Variants in QTRT2 observed in about 807,000 individuals in gnomAD.
The protein encoded by QTRT2 is queuine tRNA-ribosyltransferase accessory subunit 2.
A neutral mutation model predicts 44.8 loss-of-function variants in QTRT2; 32 were observed. The ratio of observed to expected loss-of-function variants is 0.71; its 90% CI spans 0.54 to 0.96. The LOEUF is 0.96. QTRT2 is among the 40% of genes least tolerant of loss of function. The probability of loss-of-function intolerance (pLI) is 0.00; values close to 1 mark genes in which losing one functional copy is unlikely to be tolerated. For synonymous variants in QTRT2, 182 were observed against 187.4 expected, an observed-to-expected ratio of 0.97 and a Z score of 0.24; for missense variants, 461 against 503.1, an observed-to-expected ratio of 0.92 and a Z score of 0.80.
At chr3:114,068,116 C>T in intron 5 of QTRT2, 53 bp downstream of exon 5, 1 of 1,433,084 alleles carries the variant, frequency 7.0e-7, no homozygotes, top group Admixed American at 1.7e-5. Context: ...GGAAGTCAGC[C>T]TATGGTGTAT....
At chr3:114,068,842 A>C (rs891086114) in intron 5 of QTRT2, among the ~76,000 whole-genome samples, 1 of 152,122 alleles carries the variant, frequency 6.6e-6, no homozygotes, top group African/African-American at 2.4e-5. Context: ...GAGCCTCAGG[A>C]GTTCGAGATC....
Position 114,085,909 on chromosome 3 carries a change from T to G in QTRT2, c.*5T>G. 6.2e-7 allele frequency: 1 copy of G among 1,607,054 alleles called. No individual in the cohort carries two copies. The highest frequency in any genetic ancestry group is 1.3e-5 in the African/African-American group (1 of 74,870). Reference sequence around the variant, plus strand: ...ATCCACAGGCAAGCATCTTGAGATCTTGCAAATACAAGTCTCACTCTTCAC... The same window carrying G: ...ATCCACAGGCAAGCATCTTGAGATCGTGCAAATACAAGTCTCACTCTTCAC... On this transcript the variant is annotated 3_prime_UTR_variant, in exon 10 of 10. Transcript: ENST00000281273.
chr3:114,082,637 CT>C, intron 8 of QTRT2, 39 bp from the exon 9 acceptor site: 1 of 785,160 alleles, frequency 1.3e-6, no homozygotes, highest in Non-Finnish European at 2.1e-6. Context: ...CACTTCTTAT[CT>C]GATCATCATT....
At chr3:114,063,681 CTCT>C (rs1284648215) in intron 2 of QTRT2, among the ~76,000 whole-genome samples, 19 of 151,900 alleles carry the variant, frequency 1.3e-4, no homozygotes, top group African/African-American at 4.4e-4. Context: ...AGCATAAAAT[CTCT>C]TCTTAGACCA....
intron 2 of QTRT2, among the ~76,000 whole-genome samples, chr3:114,061,792 G>GCTCTTGAACTCA (rs1259458619): frequency 6.6e-6 from 1 of 152,030 alleles, no homozygotes; most frequent in Non-Finnish European, 1.5e-5. Flanking sequence ...TGCCCAGGCT[G>GCTCTTGAACTCA]CTCTTGAACT....
intron 4 of QTRT2, chr3:114,066,711 A>G (rs191576426): frequency 1.0e-3 from 168 of 160,774 alleles, no homozygotes; most frequent in Non-Finnish European, 1.8e-3. Context: ...TAGCTGGGTC[A>G]AGGAAGAGTA....
intron 7 of QTRT2, chr3:114,077,509 G>A (rs1027442528): frequency 2.0e-5 from 3 of 152,498 alleles, no homozygotes; most frequent in African/African-American, 7.2e-5. Flanking sequence ...AAGACGATCT[G>A]CAAGATTTGA....
chr3:114,083,252 T>C (rs550498043), intron 9 of QTRT2, among the ~76,000 whole-genome samples: 1 of 152,328 alleles, frequency 6.6e-6, no homozygotes, highest in African/African-American at 2.4e-5. Context: ...ACCAGAAGTG[T>C]TTCAGATTTC....
intron 6 of QTRT2, among the ~76,000 whole-genome samples, chr3:114,074,039 T>A (rs1480018851): frequency 6.6e-6 from 1 of 152,164 alleles, no homozygotes; most frequent in South Asian, 2.1e-4. Flanking sequence ...TGGCGAATGG[T>A]TTCAACCGAG....
chr3:114,072,140 T>A lies in QTRT2; in HGVS notation c.546+1302T>A, dbSNP rs1303741480. 2.0e-5 allele frequency among the ~76,000 whole-genome samples: 3 copies of A among 152,244 alleles called. No individual in the cohort carries two copies. The East Asian group carries it at 5.8e-4, about 29-fold the overall frequency. On this transcript the variant is annotated intron_variant, in intron 6 of 9. Coordinates refer to ENST00000281273, the MANE Select transcript of QTRT2 (RefSeq NM_024638.4). ...CATGAGGCTCATTTCATTCCATGTA[T>A]CATTCATTTTTTTTTTCTTTTCTTT... is the stretch of plus-strand genomic sequence containing the variant.
chr3:114,073,821 G>C (rs2077055238), intron 6 of QTRT2, among the ~76,000 whole-genome samples: 4 of 152,078 alleles, frequency 2.6e-5, no homozygotes, highest in Admixed American at 2.6e-4. Flanking sequence ...ACCCAGGAAA[G>C]GGAGTTTCCC....
At chr3:114,057,793 C>G (rs935488225) in intron 2 of QTRT2, among the ~76,000 whole-genome samples, 1 of 152,158 alleles carries the variant, frequency 6.6e-6, no homozygotes, top group Non-Finnish European at 1.5e-5. Flanking sequence ...CCAAAACACT[C>G]CCTCCCATAT....
At chr3:114,058,948 G>A (rs2076846985) in intron 2 of QTRT2, among the ~76,000 whole-genome samples, 1 of 152,216 alleles carries the variant, frequency 6.6e-6, no homozygotes, top group South Asian at 2.1e-4. Context: ...ACATGTGTGG[G>A]AGAGAGGGGT....
At position 114,065,364 on chromosome 3, in the gene QTRT2, A is replaced by G. The variant is rs752812077; in HGVS notation, c.107A>G (p.Tyr36Cys). ...HTMDIPGCLL[Y>C]TKTGSAPHLT... ...ATGGATATTCCAGGCTGCCTTCTGT[A>G]TACCAAGACTGGCTCCGCCCCACAC... Residue 36 changes from tyrosine (Y) to cysteine (C), a missense_variant, in exon 3 of 10, where the codon TAT becomes TGT. By Grantham distance (194) the Tyr-to-Cys change is radical. Transcript: ENST00000281273. 3.7e-6 allele frequency: 6 copies of G among 1,614,118 alleles called. No individual in the cohort carries two copies. Among genetic ancestry groups the G allele is most frequent in the Admixed American group, 3.3e-5 (2 of 60,012 alleles).
chr3:114,077,273 C>A, intron 7 of QTRT2: 1 of 247,312 alleles, frequency 4.0e-6, no homozygotes, highest in Non-Finnish European at 8.0e-6. Context: ...ACCTGGAGAC[C>A]AAGTGTAAAG....
Position 114,079,902 on chromosome 3 carries a change from A to G in QTRT2, c.747-4A>G. The stretch of plus-strand genomic sequence containing the variant: ...TGTCACTGTTCTTATTCTTACTTTT[A>G]CAGGCTCATATCTGGTGTTAGTCGG... On this transcript the variant is annotated splice_region_variant and splice_polypyrimidine_tract_variant and intron_variant, in intron 7 of 9. Coordinates refer to ENST00000281273, the MANE Select transcript of QTRT2 (RefSeq NM_024638.4). 1 of 1,612,630 alleles carries G rather than the reference A, an allele frequency of 6.2e-7. No homozygotes were observed. Among genetic ancestry groups the G allele is most frequent in the Non-Finnish European group, 8.5e-7 (1 of 1,179,138 alleles).
Position 114,057,070 on chromosome 3 carries a change from G to T in QTRT2, c.-58G>T. 2.9e-6 allele frequency: 4 copies of T among 1,379,724 alleles called. No individual in the cohort carries two copies. The highest frequency in any genetic ancestry group is 3.7e-6 in the Non-Finnish European group (4 of 1,070,656). 85.5% of individuals were successfully genotyped at this position (1,379,724 alleles called of 1,614,324 possible). ...GTGTGAGCGTCGCCGACACCTCTGA[G>T]ATAAAAGGGCCCCTTTCGACTAGCC... On this transcript the variant is annotated 5_prime_UTR_variant, in exon 2 of 10. Coordinates refer to ENST00000281273, the MANE Select transcript of QTRT2 (RefSeq NM_024638.4).
chr3:114,068,253 G>A, intron 5 of QTRT2, 190 bp downstream of exon 5: 1 of 512,304 alleles, frequency 2.0e-6, no homozygotes, highest in South Asian at 2.4e-5. Context: ...AGGTTAAGAT[G>A]AAGAACACTG....
chr3:114,060,585 T>C (rs1331299381), intron 2 of QTRT2, among the ~76,000 whole-genome samples: 2 of 152,126 alleles, frequency 1.3e-5, no homozygotes, highest in African/African-American at 2.4e-5. Flanking sequence ...ATCCAAACCC[T>C]AAATAGATAG....
Sources: gnomAD v4.1 joint callset for allele counts (sites outside exome capture counted in the v4.1 genomes callset) on GRCh38, gnomAD v4.1.1 for gene constraint, MANE v1.5 for transcripts, NCBI Gene and HGNC (gene_info 2026-07-23, HGNC 2026-07-21) for gene names.